SNTG1: variants seen among roughly 807,000 people sequenced by gnomAD.
SNTG1 encodes gamma-1-syntrophin.
SNTG1 carries 39 observed loss-of-function variants against 74.7 expected under a neutral mutation model. The observed-to-expected ratio is 0.52, with a 90% CI of 0.40 to 0.68. The LOEUF is 0.68. SNTG1 is among the 30% of genes least tolerant of loss of function. SNTG1 has a pLI of 0.00. For missense variants in SNTG1, 685 were observed against 609.5 expected, an observed-to-expected ratio of 1.12 and a Z score of -1.30; for synonymous variants, 254 against 217.1, an observed-to-expected ratio of 1.17 and a Z score of -1.49.
chr8:50,696,808 T>C (rs2095406821), intron 15 of SNTG1, among the ~76,000 whole-genome samples: 1 of 152,172 alleles, frequency 6.6e-6, no homozygotes, highest in Non-Finnish European at 1.5e-5. Flanking sequence ...TCTATTTGTC[T>C]GTTTTTATGC....
At chr8:50,601,163 A>G (rs1345633368) in intron 13 of SNTG1, among the ~76,000 whole-genome samples, 1 of 145,596 alleles carries the variant, frequency 6.9e-6, no homozygotes, top group East Asian at 2.0e-4. Flanking sequence ...AAAAAAAAAA[A>G]AAAAAAAAAA....
At chr8:49,959,809 T>C (rs1450459369) in intron 1 of SNTG1, among the ~76,000 whole-genome samples, 2 of 152,328 alleles carry the variant, frequency 1.3e-5, no homozygotes, top group East Asian at 3.9e-4. Flanking sequence ...CAGTTAGTTT[T>C]TAGAATACAA....
intron 1 of SNTG1, among the ~76,000 whole-genome samples, chr8:50,050,411 G>C (rs1019553573): frequency 3.3e-5 from 5 of 151,828 alleles, no homozygotes; most frequent in African/African-American, 1.2e-4. Context: ...CAGAAACAGA[G>C]AACCTGAATA....
At chr8:50,220,432 C>A (rs918600685) in intron 2 of SNTG1, among the ~76,000 whole-genome samples, 6 of 152,060 alleles carry the variant, frequency 3.9e-5, no homozygotes, top group Admixed American at 3.9e-4. Flanking sequence ...CAAAACTATG[C>A]AGCTTTGTAA....
intron 8 of SNTG1, among the ~76,000 whole-genome samples, chr8:50,473,452 C>A (rs913821961): frequency 6.6e-6 from 1 of 152,068 alleles, no homozygotes; most frequent in East Asian, 1.9e-4. Flanking sequence ...AATTAGGACT[C>A]CTGTGCACTA....
intron 9 of SNTG1, among the ~76,000 whole-genome samples, chr8:50,512,007 G>T (rs1408285853): frequency 6.6e-6 from 1 of 152,048 alleles, no homozygotes; most frequent in Admixed American, 6.6e-5. Context: ...TTTCTTCCTA[G>T]CCTCGATGGT....
At chr8:50,154,391 G>A (rs1451981493) in intron 1 of SNTG1, among the ~76,000 whole-genome samples, 1 of 152,118 alleles carries the variant, frequency 6.6e-6, no homozygotes, top group Non-Finnish European at 1.5e-5. Flanking sequence ...GTAAGGCGAT[G>A]CCTCACCCTG....
rs2092699945 is a variant in SNTG1 at position 50,394,255 on chromosome 8, C to T, written c.17C>T (p.Ala6Val). The change falls in exon 3 of 19, where the codon GCC becomes GTC. Residue 6 changes from alanine to valine, a missense_variant. Physicochemically the swap from Ala to Val is moderately conservative, Grantham distance 64 (BLOSUM62 0). Coordinates refer to ENST00000642720, the MANE Select transcript of SNTG1 (RefSeq NM_018967.5). MDFRT[A>V]CEETKTGICL... ...CCACAGCACATGGATTTCAGAACCGCCTGTGAGGAGGTGAGTACAGAGCTT... is the reference window on the plus strand; with the variant it reads ...CCACAGCACATGGATTTCAGAACCGTCTGTGAGGAGGTGAGTACAGAGCTT... The T allele has an allele frequency of 6.2e-7, 1 of 1,613,010 alleles. No individual in the cohort carries two copies. Among genetic ancestry groups the T allele is most frequent in the Non-Finnish European group, 8.5e-7 (1 of 1,179,378 alleles).
chr8:50,792,542 T>A, intron 18 of SNTG1, 129 bp from the exon 19 acceptor site: 1 of 964,772 alleles, frequency 1.0e-6, no homozygotes, highest in South Asian at 1.8e-5. Flanking sequence ...ACATTTGAAA[T>A]TAGTTTCCAC....
At chr8:50,776,119 T>C (rs964637499) in intron 18 of SNTG1, among the ~76,000 whole-genome samples, 1 of 151,222 alleles carries the variant, frequency 6.6e-6, no homozygotes, top group Non-Finnish European at 1.5e-5. Context: ...TGTTGACATA[T>C]TTATAATTAT....
At chr8:50,506,890 A>C (rs573115562) in intron 9 of SNTG1, among the ~76,000 whole-genome samples, 28 of 152,022 alleles carry the variant, frequency 1.8e-4, no homozygotes, top group Non-Finnish European at 4.0e-4. Context: ...CTTATTCTTA[A>C]TCTTAGAGGG....
chr8:50,673,679 G>C (rs2095296205), intron 15 of SNTG1, among the ~76,000 whole-genome samples: 1 of 152,000 alleles, frequency 6.6e-6, no homozygotes, highest in South Asian at 2.1e-4. Context: ...TCTTTCTCTT[G>C]CCTGATTGCC....
In SNTG1 at chr8:50,274,119, G is replaced by A. The variant is rs186739345; in HGVS notation, c.-28+101484G>A. 5.9e-5 allele frequency among the ~76,000 whole-genome samples: 9 copies of A among 151,880 alleles called. No individual in the cohort carries two copies. In the South Asian group the frequency reaches 8.3e-4, roughly 14 times the overall value. Reference sequence around the variant, plus strand: ...GTTGTTGCTTTTGAGATGGAGTCTCGCTCTGTTACCCAGGCTGGAGTGCAA... The same window carrying A: ...GTTGTTGCTTTTGAGATGGAGTCTCACTCTGTTACCCAGGCTGGAGTGCAA... On this transcript the variant is annotated intron_variant, in intron 2 of 18. Transcript: ENST00000642720.
At chr8:50,558,135 TG>T (rs1438389385) in intron 12 of SNTG1, among the ~76,000 whole-genome samples, 1 of 151,816 alleles carries the variant, frequency 6.6e-6, no homozygotes, top group East Asian at 1.9e-4. Context: ...GAGAGAAGAG[TG>T]GGGATCCCTC....
chr8:50,291,316 C>G (rs1002256111), intron 2 of SNTG1, among the ~76,000 whole-genome samples: 1 of 151,382 alleles, frequency 6.6e-6, no homozygotes, highest in Non-Finnish European at 1.5e-5. Flanking sequence ...AAAAACAAAA[C>G]AGGGTAGAAG....
At chr8:49,927,614 G>T (rs536884965) in intron 1 of SNTG1, among the ~76,000 whole-genome samples, 1 of 152,042 alleles carries the variant, frequency 6.6e-6, no homozygotes, top group Admixed American at 6.6e-5. Context: ...TTCTGGAAAA[G>T]GCAGAATTAT....
intron 1 of SNTG1, among the ~76,000 whole-genome samples, chr8:49,969,387 CTTTTTTTTTTTTT>C (rs575026898): frequency 1.3e-4 from 6 of 47,152 alleles, no homozygotes; most frequent in Non-Finnish European, 2.5e-4. Flanking sequence ...TTCATTTAAT[CTTTTTTTTTTTTT>C]TTTTTTTTTT....
chr8:50,725,027 T>C (rs949689129), intron 17 of SNTG1, among the ~76,000 whole-genome samples: 3 of 152,166 alleles, frequency 2.0e-5, no homozygotes, highest in Non-Finnish European at 4.4e-5. Context: ...CAAATAAATA[T>C]CATTCGGCTC....
At chr8:49,931,040 G>T (rs1156276303) in intron 1 of SNTG1, among the ~76,000 whole-genome samples, 1 of 152,074 alleles carries the variant, frequency 6.6e-6, no homozygotes, top group Non-Finnish European at 1.5e-5. Context: ...ACTATTAAAA[G>T]ACTTTGCAAT....
Sources: gnomAD v4.1 joint callset for allele counts (sites outside exome capture counted in the v4.1 genomes callset) on GRCh38, gnomAD v4.1.1 for gene constraint, MANE v1.5 for transcripts, NCBI Gene and HGNC (gene_info 2026-07-23, HGNC 2026-07-21) for gene names.